The following NPRL2 variants were observed in gnomAD, a reference collection of about 807,000 sequenced individuals.
NPRL2 encodes GATOR1 complex protein NPRL2.
Under a neutral mutation model 51.1 loss-of-function variants are expected in NPRL2, and 21 were observed. That is an observed-to-expected ratio of 0.41 (90% CI 0.29 to 0.59). The LOEUF is 0.59. Ranked by LOEUF, NPRL2 falls within the 20% of genes least tolerant of loss-of-function variation. NPRL2 has a pLI of 0.29. For synonymous variants in NPRL2, 175 were observed against 187.8 expected (o/e 0.93, Z 0.56); for missense variants, 376 against 483.4 (o/e 0.78, Z 2.08).
chr3:50,347,694 G>C lies in NPRL2; in HGVS notation c.1076-21C>G, dbSNP rs373871656. On this transcript the variant is annotated intron_variant, in intron 10 of 10. Transcript: ENST00000232501. ...CATGCCTGGGTGGGGTGGTGGAGGA[G>C]AGGTCAGTGGCCTTGGCCTGGCCAC... is the stretch of plus-strand genomic sequence containing the variant. 1.2e-4 allele frequency: 194 copies of C among 1,614,018 alleles called. 2 individuals are homozygous for C. In the African/African-American group the frequency reaches 1.5e-3, roughly 12 times the overall value.
chr3:50,350,135 C>T lies in NPRL2; in HGVS notation c.79-113G>A, dbSNP rs1703707574. ...AAGTCCTCTTCTCCAGCGTTCCCCT[C>T]TCTCCCATCCACTCAGGCCTATTAC... is the stretch of plus-strand genomic sequence containing the variant. On this transcript the variant is annotated intron_variant, in intron 1 of 10. Coordinates refer to ENST00000232501, the MANE Select transcript of NPRL2 (RefSeq NM_006545.5). This position sits in a 1 kb window ranked among gnomAD's most constrained non-coding sequence, Gnocchi z 5.7. 3 of 805,774 alleles carry T rather than the reference C, an allele frequency of 3.7e-6. No individual in the cohort carries two copies. The highest frequency in any genetic ancestry group is 6.2e-6 in the Non-Finnish European group (3 of 480,624). 49.9% of individuals were successfully genotyped at this position (805,774 alleles called of 1,614,324 possible).
In NPRL2 at chr3:50,348,084, T is replaced by C; in HGVS notation, c.932+40A>G. On this transcript the variant is annotated intron_variant, in intron 9 of 10. Transcript: ENST00000232501. The surrounding 1 kb of genome is among the most constrained non-coding windows in gnomAD (Gnocchi z 5.8). Reference sequence around the variant, plus strand: ...AGAGACATAAAGGGTCTAGCTTCCCTCAGGTAACTCCCAAATGCCCCAGCA... The same window carrying C: ...AGAGACATAAAGGGTCTAGCTTCCCCCAGGTAACTCCCAAATGCCCCAGCA... 1 of 1,607,918 alleles carries C rather than the reference T, an allele frequency of 6.2e-7. No individual in the cohort carries two copies. Among genetic ancestry groups the C allele is most frequent in the Non-Finnish European group, 8.5e-7 (1 of 1,174,748 alleles).
rs920757984 is a variant in NPRL2, at chr3:50,349,578, G to T, written c.340-84C>A. Reference sequence around the variant, plus strand: ...CCCTGAGTCCTGAGCTGGTTTGCAGGGTCCCAGGTTTGGGGGACTTTGGAG... The same window carrying T: ...CCCTGAGTCCTGAGCTGGTTTGCAGTGTCCCAGGTTTGGGGGACTTTGGAG... On this transcript the variant is annotated intron_variant, in intron 3 of 10. Transcript: ENST00000232501. The surrounding 1 kb of genome is among the most constrained non-coding windows in gnomAD (Gnocchi z 4.6). 6.2e-7 allele frequency: 1 copy of T among 1,609,274 alleles called. No homozygotes were observed. Among genetic ancestry groups the T allele is most frequent in the Non-Finnish European group, 8.5e-7 (1 of 1,176,318 alleles).
chr3:50,348,176 C>T lies in NPRL2; in HGVS notation c.880G>A (p.Val294Met), dbSNP rs938003255. Residue 294 changes from valine (V) to methionine (M), a missense_variant, in exon 9 of 11, where the codon GTG becomes ATG. Physicochemically the swap from Val to Met is conservative, Grantham distance 21. Coordinates refer to ENST00000232501, the MANE Select transcript of NPRL2 (RefSeq NM_006545.5). The surrounding 1 kb of genome is among the most constrained non-coding windows in gnomAD (Gnocchi z 5.8). ...LYCSLSPGTT[V>M]RDLIGRHPQQ... ...GGGTGGCGGCCAATGAGGTCTCGCACGGTAGTGCCAGGGCTCAGGCTGCAG... is the reference window on the plus strand; with the variant it reads ...GGGTGGCGGCCAATGAGGTCTCGCATGGTAGTGCCAGGGCTCAGGCTGCAG... The T allele has an allele frequency of 1.3e-5, 21 of 1,613,944 alleles. No individual in the cohort carries two copies. Among genetic ancestry groups the T allele is most frequent in the Admixed American group, 1.0e-4 (6 of 60,002 alleles).
Position 50,350,079 on chromosome 3 carries a change from AAAT to A in NPRL2, c.79-60_79-58del, listed in dbSNP as rs1703705404. 2 of 1,457,404 alleles carry A rather than the reference AAAT, an allele frequency of 1.4e-6. No individual in the cohort carries two copies. The highest frequency in any genetic ancestry group is 1.4e-5 in the African/African-American group (1 of 71,666). The allele number at this position is 1,457,404 out of a possible 1,614,324, so 90.3% of individuals were successfully genotyped here. On this transcript the variant is annotated intron_variant, in intron 1 of 10. Coordinates refer to ENST00000232501, the MANE Select transcript of NPRL2 (RefSeq NM_006545.5). The surrounding 1 kb of genome is among the most constrained non-coding windows in gnomAD (Gnocchi z 5.7). ...TGGACATCTGTACTGGGTGTAGTAC[AAAT>A]GGTGACCTCCTCATGCCCCCCAAGC... is the stretch of plus-strand genomic sequence containing the variant.
In NPRL2 at chr3:50,349,131, CT is replaced by C. The variant is rs1703659612; in HGVS notation, c.449-122del. 2 of 1,249,280 alleles carry C rather than the reference CT, an allele frequency of 1.6e-6. No individual in the cohort carries two copies. The highest frequency in any genetic ancestry group is 2.2e-6 in the Non-Finnish European group (2 of 905,056). 77.4% of individuals were successfully genotyped at this position (1,249,280 alleles called of 1,614,324 possible). On this transcript the variant is annotated intron_variant, in intron 4 of 10. Transcript: ENST00000232501. This position sits in a 1 kb window ranked among gnomAD's most constrained non-coding sequence, Gnocchi z 4.6. Reference sequence around the variant, plus strand: ...GCCTCTGGGTAGGGCTAATCTTTCTCTTTTTATGGAGTGAGAAACGGAGGCC... The same window carrying C: ...GCCTCTGGGTAGGGCTAATCTTTCTCTTTTATGGAGTGAGAAACGGAGGCC...
At position 50,348,603 on chromosome 3, in the gene NPRL2, C is replaced by G; in HGVS notation, c.684-40G>C. The G allele has an allele frequency of 6.2e-7, 1 of 1,614,108 alleles. No homozygotes were observed. The highest frequency in any genetic ancestry group is 8.5e-7 in the Non-Finnish European group (1 of 1,180,020). ...TGTGCTCAGCTTCTGAGGACCATGC[C>G]TTCCCAACCCTCACACCCAGGGCCC... is the stretch of plus-strand genomic sequence containing the variant. On this transcript the variant is annotated intron_variant, in intron 6 of 10. Coordinates refer to ENST00000232501, the MANE Select transcript of NPRL2 (RefSeq NM_006545.5). This position sits in a 1 kb window ranked among gnomAD's most constrained non-coding sequence, Gnocchi z 5.8.
At position 50,348,463 on chromosome 3, in the gene NPRL2, C is replaced by G; in HGVS notation, c.721-53G>C. The G allele has an allele frequency of 1.9e-6, 3 of 1,613,476 alleles. 1 individual carries two copies. The South Asian group carries it at 3.3e-5, about 18-fold the overall frequency. Reference sequence around the variant, plus strand: ...CTGAGTGAGGGGCTTGGGAAGCTGACACAGCCCTGGTCTGGTCCAGCCACA... The same window carrying G: ...CTGAGTGAGGGGCTTGGGAAGCTGAGACAGCCCTGGTCTGGTCCAGCCACA... On this transcript the variant is annotated intron_variant, in intron 7 of 10. Transcript: ENST00000232501. The surrounding 1 kb of genome is among the most constrained non-coding windows in gnomAD (Gnocchi z 5.8).
At position 50,350,447 on chromosome 3, in the gene NPRL2, G is replaced by C; in HGVS notation, c.78+128C>G. 1.0e-6 allele frequency: 1 copy of C among 991,854 alleles called. No individual in the cohort carries two copies. Among genetic ancestry groups the C allele is most frequent in the Non-Finnish European group, 1.5e-6 (1 of 671,928 alleles). 61.4% of individuals were successfully genotyped at this position (991,854 alleles called of 1,614,324 possible). A position where few individuals can be genotyped will look rare whatever the true frequency, so the allele number is the denominator to read the frequency against. ...GGGGCCTGGGTCTGACTATCCTCTA[G>C]CCTCACAGTTGTCTGCGAATGAAGC... On this transcript the variant is annotated intron_variant, in intron 1 of 10. Transcript: ENST00000232501. This position sits in a 1 kb window ranked among gnomAD's most constrained non-coding sequence, Gnocchi z 5.7.
chr3:50,350,001 G>A lies in NPRL2; in HGVS notation c.100C>T (p.Arg34Ter), dbSNP rs886037963. ...ACTTGGACTGTGTCAAACAGCTCTC[G>A]GGAGATGAAGTCTTCAGGGACCTGG... is the stretch of plus-strand genomic sequence containing the variant. Reference protein sequence around the residue: ...TYQVPEDFISRELFDTVQVYI... With the variant: ...TYQVPEDFIS The change falls in exon 2 of 11, where the codon CGA (arginine) becomes TGA (stop). Residue 34 changes from arginine to a stop codon, truncating the protein, a stop_gained. Transcript: ENST00000232501. LOFTEE classifies it high-confidence loss of function. The surrounding 1 kb of genome is among the most constrained non-coding windows in gnomAD (Gnocchi z 5.7). The A allele has an allele frequency of 6.2e-7, 1 of 1,613,724 alleles. No individual in the cohort carries two copies. The highest frequency in any genetic ancestry group is 2.2e-5 in the East Asian group (1 of 44,872).
In NPRL2 at chr3:50,349,050, C is replaced by T; in HGVS notation, c.449-40G>A. ...ATCCATATCCTCAGTGCCACTTCTT[C>T]CAAGAGGTCCTCAATTACCATCCAG... On this transcript the variant is annotated intron_variant, in intron 4 of 10. Transcript: ENST00000232501. The surrounding 1 kb of genome is among the most constrained non-coding windows in gnomAD (Gnocchi z 4.6). The T allele has an allele frequency of 6.3e-7, 1 of 1,598,874 alleles. No homozygotes were observed. The highest frequency in any genetic ancestry group is 8.5e-7 in the Non-Finnish European group (1 of 1,171,754).
rs1559856358 is a variant in NPRL2 at position 50,348,685 on chromosome 3, A to C, written c.683T>G (p.Leu228Arg). 3.1e-6 allele frequency: 5 copies of C among 1,614,016 alleles called. No homozygotes were observed. The highest frequency in any genetic ancestry group is 4.2e-6 in the Non-Finnish European group (5 of 1,180,026). ...CAGGTATGACTGTAGGCCCACTCAC[A>C]GCAGGTTCTGGATAGCAATGCGCAC... Reference protein sequence around the residue: ...NLVRIAIQNLLYYGVVTLVSI... With the variant: ...NLVRIAIQNLRYYGVVTLVSI... The change falls in exon 6 of 11, where the codon CTG becomes CGG. Residue 228 changes from leucine (L) to arginine (R), a missense_variant and splice_region_variant. By Grantham distance (102) the Leu-to-Arg change is moderately radical. Transcript: ENST00000232501. The surrounding 1 kb of genome is among the most constrained non-coding windows in gnomAD (Gnocchi z 5.8).
In NPRL2 at chr3:50,347,993, C is replaced by T. The variant is rs587775312; in HGVS notation, c.933-92G>A. 37 of 1,597,518 alleles carry T rather than the reference C, an allele frequency of 2.3e-5. No individual in the cohort carries two copies. In the African/African-American group the frequency reaches 4.7e-4, roughly 20 times the overall value. The stretch of plus-strand genomic sequence containing the variant: ...TCCTGTAGTCTCCCTTCAATTTTGT[C>T]TCTGTAGCCCATCATCTCCAGGAAG... On this transcript the variant is annotated intron_variant, in intron 9 of 10. Transcript: ENST00000232501.
rs749481228 is a variant in NPRL2, at chr3:50,348,565, TGA to T, written c.684-4_684-3del. Reference sequence around the variant, plus strand: ...ACCAGTGTCACAACGCCGTAGTACCTGAGAGAGAGAGCTGTGCTCAGCTTCTG... The same window carrying T: ...ACCAGTGTCACAACGCCGTAGTACCTGAGAGAGAGCTGTGCTCAGCTTCTG... On this transcript the variant is annotated splice_region_variant and splice_polypyrimidine_tract_variant and intron_variant, in intron 6 of 10. Transcript: ENST00000232501. This position sits in a 1 kb window ranked among gnomAD's most constrained non-coding sequence, Gnocchi z 5.8. The T allele has an allele frequency of 6.2e-6, 10 of 1,613,956 alleles. No homozygotes were observed. The African/African-American group carries it at 9.3e-5, about 15-fold the overall frequency.
Position 50,348,293 on chromosome 3 carries a change from G to T in NPRL2, c.814+24C>A. ...ATGTGGCCCTGCCCTCCCCAAGATGGCTTCCCCCAGAACCCACCACTACCT... is the reference window on the plus strand; with the variant it reads ...ATGTGGCCCTGCCCTCCCCAAGATGTCTTCCCCCAGAACCCACCACTACCT... On this transcript the variant is annotated intron_variant, in intron 8 of 10. Transcript: ENST00000232501. The surrounding 1 kb of genome is among the most constrained non-coding windows in gnomAD (Gnocchi z 5.8). The T allele has an allele frequency of 6.2e-7, 1 of 1,613,798 alleles. No individual in the cohort carries two copies. Among genetic ancestry groups the T allele is most frequent in the Non-Finnish European group, 8.5e-7 (1 of 1,179,896 alleles).
chr3:50,349,848 C>T lies in NPRL2; in HGVS notation c.171-15G>A. On this transcript the variant is annotated splice_polypyrimidine_tract_variant and intron_variant, in intron 2 of 10. Coordinates refer to ENST00000232501, the MANE Select transcript of NPRL2 (RefSeq NM_006545.5). The surrounding 1 kb of genome is among the most constrained non-coding windows in gnomAD (Gnocchi z 4.6). ...CCATAGCTGTGCTGGATAATTGGAA[C>T]ACAGTCAGGCCCCCAAGCCTGTCCC... 1 of 1,611,690 alleles carries T rather than the reference C, an allele frequency of 6.2e-7. No homozygotes were observed. Among genetic ancestry groups the T allele is most frequent in the Non-Finnish European group, 8.5e-7 (1 of 1,178,258 alleles).
chr3:50,348,321 C>T lies in NPRL2; in HGVS notation c.810G>A (p.Lys270=). ...LQEACLSYVT[K]QGHKRASLRD... is the part of the protein sequence containing the mutation. ...TCCCCCAGAACCCACCACTACCTTGCTTGGTCACGTAGGATAGACATGCCT... is the reference window on the plus strand; with the variant it reads ...TCCCCCAGAACCCACCACTACCTTGTTTGGTCACGTAGGATAGACATGCCT... The change falls in exon 8 of 11, where the codon AAG becomes AAA. Residue 270 remains lysine (K), a synonymous_variant. Transcript: ENST00000232501. This position sits in a 1 kb window ranked among gnomAD's most constrained non-coding sequence, Gnocchi z 5.8. The T allele has an allele frequency of 6.2e-7, 1 of 1,613,904 alleles. No homozygotes were observed. The highest frequency in any genetic ancestry group is 8.5e-7 in the Non-Finnish European group (1 of 1,179,988).
Position 50,347,463 on chromosome 3 carries a change from G to A in NPRL2, c.*143C>T. The A allele has an allele frequency of 9.9e-7, 1 of 1,012,046 alleles. No individual in the cohort carries two copies. Among genetic ancestry groups the A allele is most frequent in the South Asian group, 1.5e-5 (1 of 68,800 alleles). The allele number at this position is 1,012,046 out of a possible 1,614,324, so 62.7% of individuals were successfully genotyped here. On this transcript the variant is annotated 3_prime_UTR_variant, in exon 11 of 11. Coordinates refer to ENST00000232501, the MANE Select transcript of NPRL2 (RefSeq NM_006545.5). ...ATTCACTGCTGGGTCTCCCACGGCT[G>A]GCCCAGAAACAGCACTCAATAAAGG...
In NPRL2 at chr3:50,349,068, C is replaced by G; in HGVS notation, c.449-58G>C. ...ACTTCTTCCAAGAGGTCCTCAATTA[C>G]CATCCAGGCCTCCCAGCATCCCTTG... is the stretch of plus-strand genomic sequence containing the variant. On this transcript the variant is annotated intron_variant, in intron 4 of 10. Coordinates refer to ENST00000232501, the MANE Select transcript of NPRL2 (RefSeq NM_006545.5). This position sits in a 1 kb window ranked among gnomAD's most constrained non-coding sequence, Gnocchi z 4.6. 1 of 1,580,490 alleles carries G rather than the reference C, an allele frequency of 6.3e-7. No individual in the cohort carries two copies. The highest frequency in any genetic ancestry group is 8.6e-7 in the Non-Finnish European group (1 of 1,162,004).
Sources: allele counts gnomAD v4.1 joint callset, GRCh38; gene constraint gnomAD v4.1.1; non-coding constraint Gnocchi (gnomAD v3.1); transcripts MANE v1.5; gene names NCBI Gene and HGNC (gene_info 2026-07-23, HGNC 2026-07-21).